The following DSCAM variants were observed in gnomAD, a reference collection of about 807,000 sequenced individuals.
DSCAM encodes the protein cell adhesion molecule DSCAM.
DSCAM carries 47 observed loss-of-function variants against 217.7 expected under a neutral mutation model. That is an observed-to-expected ratio of 0.22 (90% CI 0.17 to 0.28). The LOEUF is 0.28. Among genes scored for constraint, DSCAM ranks in the 10% least tolerant of loss-of-function variants. DSCAM has a pLI of 1.00. For missense variants in DSCAM, 2,080 were observed against 2,618.3 expected (o/e 0.79, Z 4.49); for synonymous variants, 1,056 against 1,015.3 (o/e 1.04, Z -0.76).
chr21:40,112,321 G>T (rs982970876), intron 20 of DSCAM, among the ~76,000 whole-genome samples: 1 of 151,376 alleles, frequency 6.6e-6, no homozygotes, highest in African/African-American at 2.4e-5. Flanking sequence ...TGACTACTGG[G>T]TACATAACGA....
chr21:40,786,265 G>C (rs2091593149), intron 1 of DSCAM, among the ~76,000 whole-genome samples: 1 of 142,428 alleles, frequency 7.0e-6, no homozygotes, highest in African/African-American at 2.6e-5. Context: ...AAGGAAGGAA[G>C]GAAGGAAAGA....
chr21:40,711,502 G>A (rs1235572413), intron 1 of DSCAM, among the ~76,000 whole-genome samples: 2 of 152,188 alleles, frequency 1.3e-5, no homozygotes, highest in African/African-American at 2.4e-5. Context: ...ATTGGCACAA[G>A]GCTGAATAGA....
chr21:40,675,171 C>T (rs1233721981), intron 3 of DSCAM, among the ~76,000 whole-genome samples: 2 of 152,060 alleles, frequency 1.3e-5, no homozygotes, highest in African/African-American at 2.4e-5. Context: ...CACATGTGTT[C>T]GGTTACTGTT....
chr21:40,717,300 G>A (rs1360382123), intron 1 of DSCAM, among the ~76,000 whole-genome samples: 2 of 152,220 alleles, frequency 1.3e-5, no homozygotes, highest in Non-Finnish European at 2.9e-5. Context: ...TAAAAAGCAT[G>A]CGCTTAGCCC....
intron 14 of DSCAM, among the ~76,000 whole-genome samples, chr21:40,182,412 G>A (rs1322375693): frequency 6.6e-6 from 1 of 152,020 alleles, no homozygotes; most frequent in Admixed American, 6.5e-5. Flanking sequence ...CTTTCAGGGT[G>A]TGACAGAGCT....
At chr21:40,565,639 G>A (rs184507171) in intron 3 of DSCAM, among the ~76,000 whole-genome samples, 9 of 152,224 alleles carry the variant, frequency 5.9e-5, no homozygotes, top group Admixed American at 5.9e-4. Flanking sequence ...AGTGCCTCGG[G>A]GGCTTCAAGA....
At chr21:40,115,240 A>G (rs2089954817) in intron 20 of DSCAM, among the ~76,000 whole-genome samples, 1 of 152,204 alleles carries the variant, frequency 6.6e-6, no homozygotes, top group Admixed American at 6.5e-5. Flanking sequence ...AGCCATAAAA[A>G]AGGATGAGTT....
chr21:40,282,729 A>C (rs979632598), intron 10 of DSCAM, among the ~76,000 whole-genome samples: 2 of 152,130 alleles, frequency 1.3e-5, no homozygotes, highest in Non-Finnish European at 2.9e-5. Context: ...CCATGTCAAC[A>C]ACACATTGTT....
intron 10 of DSCAM, among the ~76,000 whole-genome samples, chr21:40,284,898 T>C (rs79132537): frequency 8.5e-5 from 13 of 152,232 alleles, no homozygotes; most frequent in African/African-American, 3.1e-4. Context: ...AATACCTTCA[T>C]TTCTATGTTG....
chr21:40,103,229 G>A (rs1705210743), intron 20 of DSCAM, among the ~76,000 whole-genome samples: 2 of 151,966 alleles, frequency 1.3e-5, no homozygotes. Flanking sequence ...AATTCTATAA[G>A]GAAATGTGAT....
intron 3 of DSCAM, among the ~76,000 whole-genome samples, chr21:40,518,226 G>A (rs1300801666): frequency 6.9e-6 from 1 of 144,144 alleles, no homozygotes; most frequent in Non-Finnish European, 1.5e-5. Context: ...CCATTTGCAA[G>A]AGACCCTGAA....
At chr21:40,386,357 A>G (rs1288035333) in intron 3 of DSCAM, among the ~76,000 whole-genome samples, 3 of 152,246 alleles carry the variant, frequency 2.0e-5, no homozygotes, top group Non-Finnish European at 1.5e-5. Flanking sequence ...GGGCAGTTGA[A>G]GAACCTACAA....
chr21:40,619,192 G>A (rs1347296274), intron 3 of DSCAM, among the ~76,000 whole-genome samples: 1 of 152,162 alleles, frequency 6.6e-6, no homozygotes, highest in Non-Finnish European at 1.5e-5. Context: ...TTTAAGTGAA[G>A]TATAGCATTC....
intron 11 of DSCAM, among the ~76,000 whole-genome samples, chr21:40,243,417 G>C (rs1349834991): frequency 6.6e-6 from 1 of 152,018 alleles, no homozygotes; most frequent in Non-Finnish European, 1.5e-5. Flanking sequence ...GAAAGGTAGT[G>C]AAAAAAGGAA....
chr21:40,625,344 A>G (rs1389433441), intron 3 of DSCAM, among the ~76,000 whole-genome samples: 1 of 152,178 alleles, frequency 6.6e-6, no homozygotes, highest in Non-Finnish European at 1.5e-5. Context: ...TAATACAGTA[A>G]TACTTAAATT....
intron 8 of DSCAM, among the ~76,000 whole-genome samples, chr21:40,322,482 T>C (rs969474526): frequency 1.3e-5 from 2 of 152,130 alleles, no homozygotes; most frequent in African/African-American, 4.8e-5. Flanking sequence ...ATTTCTAATT[T>C]GAAATATTGG....
chr21:40,342,070 T>C (rs990411457), intron 6 of DSCAM, among the ~76,000 whole-genome samples: 3 of 152,346 alleles, frequency 2.0e-5, no homozygotes, highest in African/African-American at 2.4e-5. Flanking sequence ...TATGTGCCTA[T>C]TGGCCATCCG....
Position 40,760,031 on chromosome 21 carries a change from GC to G in DSCAM, c.44-51261del, listed in dbSNP as rs139292112. On this transcript the variant is annotated intron_variant, in intron 1 of 32. Coordinates refer to ENST00000400454, the MANE Select transcript of DSCAM (RefSeq NM_001389.5). ...TATTTATGAGACAGAGTCTTGCTCT[GC>G]AACCAGGCTGGAATGCAGTGGCAGG... Among the ~76,000 whole-genome samples, 866 of 150,966 alleles carry G rather than the reference GC, an allele frequency of 5.7e-3. 11 individuals are homozygous for G. The highest frequency in any genetic ancestry group is 0.021 in the Middle Eastern group (6 of 290).
chr21:40,636,777 TC>T (rs1258282720), intron 3 of DSCAM, among the ~76,000 whole-genome samples: 2 of 144,858 alleles, frequency 1.4e-5, no homozygotes, highest in African/African-American at 2.6e-5. Context: ...TTTTTTTTTT[TC>T]ACAACATCTC....
Sources: allele counts gnomAD v4.1 joint callset (sites outside exome capture counted in the v4.1 genomes callset), GRCh38; gene constraint gnomAD v4.1.1; transcripts MANE v1.5; gene names NCBI Gene and HGNC (gene_info 2026-07-23, HGNC 2026-07-21).